STRADA: variants seen among roughly 807,000 people sequenced by gnomAD.
The protein encoded by STRADA is STE20 related adaptor alpha.
In STRADA, 26 loss-of-function variants were observed where a neutral mutation model predicts 55.0. The ratio of observed to expected loss-of-function variants is 0.47; its 90% confidence interval spans 0.35 to 0.66. The LOEUF (loss-of-function observed/expected upper bound fraction) is 0.66, where lower values mean the gene tolerates loss of function less well. STRADA is among the 30% of genes least tolerant of loss of function. The pLI is 0.01. For missense variants in STRADA, 443 were observed against 549.7 expected (o/e 0.81, Z 1.94); for synonymous variants, 197 against 210.9 (o/e 0.93, Z 0.57).
chr17:63,704,414 G>T lies in STRADA; in HGVS notation c.1027C>A (p.Pro343Thr). 1 of 1,612,840 alleles carries T rather than the reference G, an allele frequency of 6.2e-7. No individual in the cohort carries two copies. The highest frequency in any genetic ancestry group is 8.5e-7 in the Non-Finnish European group (1 of 1,179,796). ...TGGGGGGAGAAGGTTCGGTGGTAGG[G>T]GTGGGAGGGCGAGTCACCGTTGGAG... ...RPSNGDSPSH[P>T]YHRTFSPHFH... The change falls in exon 11 of 13, where the codon CCC (proline) becomes ACC (threonine). Residue 343 changes from proline (P) to threonine (T), a missense_variant. By Grantham distance (38) the Pro-to-Thr change is conservative. Coordinates refer to ENST00000336174, the MANE Select transcript of STRADA (RefSeq NM_001003787.4).
At chr17:63,703,954 G>A in intron 12 of STRADA, 51 bp downstream of exon 12, 3 of 1,605,934 alleles carry the variant, frequency 1.9e-6, no homozygotes, top group East Asian at 2.3e-5. Flanking sequence ...GGGATTGTGA[G>A]TTGTTAGAAC....
chr17:63,706,579 C>T lies in STRADA; in HGVS notation c.858+56G>A, dbSNP rs553206066. ...TGTCCTGAGTGTGAGAGCTACTCAA[C>T]GAACATCTGTGGAAGGCAAGCAGGC... is the stretch of plus-strand genomic sequence containing the variant. On this transcript the variant is annotated intron_variant, in intron 10 of 12. Coordinates refer to ENST00000336174, the MANE Select transcript of STRADA (RefSeq NM_001003787.4). 3.4e-4 allele frequency: 448 copies of T among 1,300,412 alleles called. 1 individual carries two copies. The highest frequency in any genetic ancestry group is 3.3e-3 in the Admixed American group (190 of 56,808). The allele number at this position is 1,300,412 out of a possible 1,614,324, so 80.6% of individuals were successfully genotyped here. A position where few individuals can be genotyped will look rare whatever the true frequency, so the allele number is the denominator to read the frequency against.
chr17:63,740,155 C>CATATATATAT (rs761800599), intron 1 of STRADA, among the ~76,000 whole-genome samples: 3,038 of 111,238 alleles, frequency 0.027, 256 homozygotes, highest in African/African-American at 0.082. Flanking sequence ...TATACACACA[C>CATATATATAT]ACACACACAC....
Position 63,703,386 on chromosome 17 carries a change from G to T in STRADA, c.*213C>A. On this transcript the variant is annotated 3_prime_UTR_variant, in exon 13 of 13. Coordinates refer to ENST00000336174, the MANE Select transcript of STRADA (RefSeq NM_001003787.4). ...TCGGCTTTGGACCCTCCTGATCCCTGGTTGTTGAGATTCCCTTGTGTCTCA... is the reference window on the plus strand; with the variant it reads ...TCGGCTTTGGACCCTCCTGATCCCTTGTTGTTGAGATTCCCTTGTGTCTCA... The T allele has an allele frequency of 1.8e-6, 1 of 546,254 alleles. No homozygotes were observed. The highest frequency in any genetic ancestry group is 3.2e-6 in the Non-Finnish European group (1 of 310,286). 33.8% of individuals were successfully genotyped at this position (546,254 alleles called of 1,614,324 possible).
intron 1 of STRADA, among the ~76,000 whole-genome samples, chr17:63,729,841 CTTT>C (rs1253752753): frequency 7.0e-6 from 1 of 142,956 alleles, no homozygotes; most frequent in Non-Finnish European, 1.5e-5. Context: ...TTTCCTTTTC[CTTT>C]TTTTTTTTTT....
Position 63,706,771 on chromosome 17 carries a change from C to A in STRADA, c.754-32G>T. ...CAGAAAAAAAAGGCCACAGATTACC[C>A]CATTTGGTCTTTGTTCTTAGAAAAA... On this transcript the variant is annotated intron_variant, in intron 9 of 12. Transcript: ENST00000336174. 1.9e-6 allele frequency: 3 copies of A among 1,551,068 alleles called. No individual in the cohort carries two copies. In the South Asian group the frequency reaches 3.4e-5, roughly 17 times the overall value.
intron 3 of STRADA, chr17:63,726,386 CT>C (rs1157214453): frequency 2.6e-6 from 1 of 390,966 alleles, no homozygotes; most frequent in Non-Finnish European, 4.5e-6. Flanking sequence ...TGTATTTCAC[CT>C]GGACAAAAGA....
chr17:63,734,904 T>C (rs2038308086), intron 1 of STRADA, among the ~76,000 whole-genome samples: 1 of 152,284 alleles, frequency 6.6e-6, no homozygotes, highest in African/African-American at 2.4e-5. Context: ...ACACCTGTAA[T>C]CCCAACATTT....
At chr17:63,722,986 A>G (rs2037411280) in intron 4 of STRADA, among the ~76,000 whole-genome samples, 1 of 152,156 alleles carries the variant, frequency 6.6e-6, no homozygotes, top group Non-Finnish European at 1.5e-5. Context: ...CAATAACCGT[A>G]TTTCTGACTG....
chr17:63,735,413 A>C (rs2144289363), intron 1 of STRADA, among the ~76,000 whole-genome samples: 1 of 152,322 alleles, frequency 6.6e-6, no homozygotes, highest in Non-Finnish European at 1.5e-5. Flanking sequence ...AATAACTCTA[A>C]AATGAGGTTA....
In STRADA at chr17:63,712,901, T is replaced by TA. The variant is rs530489415; in HGVS notation, c.348+504dup. ...CTATAGTCCCAGCTACTCGGGAGGC[T>TA]AAGGCAGGAGAATCGCTTGAACCTG... On this transcript the variant is annotated intron_variant, in intron 6 of 12. Transcript: ENST00000336174. 1.7e-3 allele frequency among the ~76,000 whole-genome samples: 248 copies of TA among 149,780 alleles called. 1 individual carries two copies. Among genetic ancestry groups the TA allele is most frequent in the African/African-American group, 6.0e-3 (244 of 40,474 alleles).
chr17:63,721,626 A>G (rs1056748252), intron 4 of STRADA, among the ~76,000 whole-genome samples: 1 of 151,446 alleles, frequency 6.6e-6, no homozygotes, highest in Non-Finnish European at 1.5e-5. Context: ...AGGCAGGAGA[A>G]TTGCTTGAAC....
chr17:63,734,858 C>T (rs1183053808), intron 1 of STRADA, among the ~76,000 whole-genome samples: 1 of 151,502 alleles, frequency 6.6e-6, no homozygotes, highest in Non-Finnish European at 1.5e-5. Context: ...AGGTTAACAT[C>T]TAGAAAAGAG....
rs768767759 is a variant in STRADA at position 63,710,597 on chromosome 17, T to C, written c.475A>G (p.Ile159Val). ...FMAYGSAKDL[I>V]CTHFMDGMNE... ...ATGCCATCCATGAAGTGTGTACAGATGAGATCTTTTGCAGAACCTGCAGAA... is the reference window on the plus strand; with the variant it reads ...ATGCCATCCATGAAGTGTGTACAGACGAGATCTTTTGCAGAACCTGCAGAA... The change falls in exon 8 of 13, where the codon ATC becomes GTC. Residue 159 changes from isoleucine to valine, a missense_variant. Coordinates refer to ENST00000336174, the MANE Select transcript of STRADA (RefSeq NM_001003787.4). 2 of 1,613,934 alleles carry C rather than the reference T, an allele frequency of 1.2e-6. No individual in the cohort carries two copies. The highest frequency in any genetic ancestry group is 2.2e-5 in the East Asian group (1 of 44,888).
intron 8 of STRADA, among the ~76,000 whole-genome samples, chr17:63,709,975 C>A (rs1342021623): frequency 6.6e-6 from 1 of 151,696 alleles, no homozygotes; most frequent in Non-Finnish European, 1.5e-5. Flanking sequence ...TCAGCACTAA[C>A]AGGCTAAGTG....
At chr17:63,718,585 C>A (rs1458944028) in intron 4 of STRADA, among the ~76,000 whole-genome samples, 1 of 152,196 alleles carries the variant, frequency 6.6e-6, no homozygotes, top group Non-Finnish European at 1.5e-5. Flanking sequence ...GACCCAAACT[C>A]CCCACCCCAG....
At chr17:63,723,629 G>A (rs937017909) in intron 3 of STRADA, 2 of 331,774 alleles carry the variant, frequency 6.0e-6, no homozygotes, top group Non-Finnish European at 1.1e-5. Flanking sequence ...ACATTTACTT[G>A]GCATCAACAC....
chr17:63,706,422 C>T, intron 10 of STRADA: 1 of 518,922 alleles, frequency 1.9e-6, no homozygotes, highest in South Asian at 3.3e-5. Flanking sequence ...CCCGGGCTCC[C>T]CTCCCCAAGC....
chr17:63,735,394 C>A (rs1598273048), intron 1 of STRADA, among the ~76,000 whole-genome samples: 1 of 152,310 alleles, frequency 6.6e-6, no homozygotes, highest in African/African-American at 2.4e-5. Context: ...CTTGCCGAAT[C>A]TCAACGTTAA....
Sources: gnomAD v4.1 joint callset for allele counts (sites outside exome capture counted in the v4.1 genomes callset) on GRCh38, gnomAD v4.1.1 for gene constraint, MANE v1.5 for transcripts, NCBI Gene and HGNC (gene_info 2026-07-23, HGNC 2026-07-21) for gene names.